HLCS: variants seen among roughly 807,000 people sequenced by gnomAD.
The protein encoded by HLCS is biotin--protein ligase.
A neutral mutation model predicts 75.0 loss-of-function variants in HLCS; 53 were observed. That is an observed-to-expected ratio of 0.71 (90% CI 0.57 to 0.89). The LOEUF is 0.89. Among genes scored for constraint, HLCS ranks in the 40% least tolerant of loss-of-function variants. HLCS has a pLI of 0.00. For missense variants in HLCS, 966 were observed against 1,074.0 expected (o/e 0.90, Z 1.41); for synonymous variants, 431 against 428.6 (o/e 1.01, Z -0.07).
At chr21:36,888,821 T>C (rs1301879071) in intron 6 of HLCS, among the ~76,000 whole-genome samples, 1 of 151,736 alleles carries the variant, frequency 6.6e-6, no homozygotes, top group Non-Finnish European at 1.5e-5. Flanking sequence ...AATGACAAAG[T>C]CTTGGTTCCA....
At chr21:36,799,383 C>T (rs1313621622) in intron 6 of HLCS, among the ~76,000 whole-genome samples, 2 of 152,204 alleles carry the variant, frequency 1.3e-5, no homozygotes, top group Non-Finnish European at 2.9e-5. Flanking sequence ...ATATCTCTAT[C>T]CTTACACCAA....
chr21:36,904,597 T>G (rs2065373127), intron 5 of HLCS, among the ~76,000 whole-genome samples: 1 of 152,206 alleles, frequency 6.6e-6, no homozygotes, highest in Non-Finnish European at 1.5e-5. Context: ...TCAAATACAT[T>G]TTAAGTACCA....
chr21:36,927,413 C>T (rs1401797105), intron 5 of HLCS, among the ~76,000 whole-genome samples: 1 of 152,214 alleles, frequency 6.6e-6, no homozygotes, highest in Admixed American at 6.5e-5. Flanking sequence ...TTGGGTCTTG[C>T]TACTATTCTT....
chr21:36,793,261 A>C (rs1482811817), intron 6 of HLCS, among the ~76,000 whole-genome samples: 1 of 147,260 alleles, frequency 6.8e-6, no homozygotes, highest in Non-Finnish European at 1.5e-5. Context: ...TGCCTGTCGG[A>C]GGGCTCGGAG....
intron 6 of HLCS, among the ~76,000 whole-genome samples, chr21:36,874,121 G>A (rs937722000): frequency 6.6e-6 from 1 of 152,152 alleles, no homozygotes; most frequent in African/African-American, 2.4e-5. Flanking sequence ...CCTATATGGA[G>A]CACATATCTA....
At chr21:36,779,488 T>C (rs2060464142) in intron 6 of HLCS, among the ~76,000 whole-genome samples, 1 of 152,202 alleles carries the variant, frequency 6.6e-6, no homozygotes, top group Non-Finnish European at 1.5e-5. Flanking sequence ...TATTCATAAA[T>C]TCTTTCTCCA....
Position 36,828,049 on chromosome 21 carries a change from G to A in HLCS, c.1893-60764C>T, listed in dbSNP as rs140833977. Among the ~76,000 whole-genome samples the A allele has an allele frequency of 1.1e-3, 161 of 152,170 alleles. 1 individual carries two copies. The East Asian group carries it at 0.029, about 28-fold the overall frequency. On this transcript the variant is annotated intron_variant, in intron 6 of 10. Transcript: ENST00000674895. ...AGGATGGTCTTGATCTCCTGACCTC[G>A]TGATCTGCCTGCCTTGGCCCCCCAA...
intron 6 of HLCS, among the ~76,000 whole-genome samples, chr21:36,775,218 C>A (rs1315571131): frequency 6.6e-6 from 1 of 152,226 alleles, no homozygotes; most frequent in Non-Finnish European, 1.5e-5. Flanking sequence ...TCCCCACGTC[C>A]AGCATAAGAG....
At chr21:36,783,803 G>GCACA (rs201430136) in intron 6 of HLCS, among the ~76,000 whole-genome samples, 7 of 149,412 alleles carry the variant, frequency 4.7e-5, no homozygotes, top group African/African-American at 1.2e-4. Flanking sequence ...GTGTGCACAT[G>GCACA]CACACACACA....
At chr21:36,808,662 T>C (rs902789725) in intron 6 of HLCS, among the ~76,000 whole-genome samples, 5 of 152,232 alleles carry the variant, frequency 3.3e-5, no homozygotes, top group Non-Finnish European at 7.3e-5. Context: ...AATTCTTATA[T>C]GATTAACAAT....
At chr21:36,958,960 C>G (rs2068123083) in intron 2 of HLCS, among the ~76,000 whole-genome samples, 1 of 152,214 alleles carries the variant, frequency 6.6e-6, no homozygotes, top group Non-Finnish European at 1.5e-5. Flanking sequence ...TGCAGCCAGT[C>G]TGGAGCAGGG....
At chr21:36,787,092 T>G (rs950039667) in intron 6 of HLCS, among the ~76,000 whole-genome samples, 2 of 152,182 alleles carry the variant, frequency 1.3e-5, no homozygotes, top group African/African-American at 4.8e-5. Flanking sequence ...ATTGGAACTT[T>G]CCAGGGCGAA....
chr21:36,788,906 T>C (rs1184284528), intron 6 of HLCS, among the ~76,000 whole-genome samples: 3 of 152,188 alleles, frequency 2.0e-5, no homozygotes, highest in Non-Finnish European at 4.4e-5. Flanking sequence ...ATACATTCTT[T>C]GATTAGGAAA....
chr21:36,753,887 G>A lies in HLCS; in HGVS notation c.*359C>T, dbSNP rs1405712772. The A allele has an allele frequency of 5.6e-6, 2 of 358,206 alleles. No individual in the cohort carries two copies. The highest frequency in any genetic ancestry group is 1.1e-5 in the Non-Finnish European group (2 of 188,946). The allele number at this position is 358,206 out of a possible 1,614,324, so 22.2% of individuals were successfully genotyped here. On this transcript the variant is annotated 3_prime_UTR_variant, in exon 11 of 11. Transcript: ENST00000674895. This position sits in a 1 kb window ranked among gnomAD's most constrained non-coding sequence, Gnocchi z 4.3. The stretch of plus-strand genomic sequence containing the variant: ...GCATATTTTGGTTTGTTTTTTCATA[G>A]ACTAGGGGTAAAGGTCTGCACTACT...
intron 6 of HLCS, among the ~76,000 whole-genome samples, chr21:36,868,810 C>A (rs1353524249): frequency 6.6e-6 from 1 of 152,160 alleles, no homozygotes; most frequent in Non-Finnish European, 1.5e-5. Context: ...GGGCAGTTGT[C>A]CCCATCTCAG....
intron 6 of HLCS, among the ~76,000 whole-genome samples, chr21:36,851,108 A>G (rs2062988775): frequency 2.0e-5 from 3 of 152,300 alleles, no homozygotes; most frequent in Admixed American, 6.5e-5. Flanking sequence ...TATGAGAGAG[A>G]AAGATATTAG....
chr21:36,872,367 G>A (rs1231580796), intron 6 of HLCS, among the ~76,000 whole-genome samples: 1 of 151,172 alleles, frequency 6.6e-6, no homozygotes, highest in Non-Finnish European at 1.5e-5. Context: ...CTCCAGCCTG[G>A]GTGACAGAGC....
rs1416754540 is a variant in HLCS at position 36,749,110 on chromosome 21, T to C, written c.*5136A>G. ...ACAGCGAGAAAACTTCGTAAGAACATGTTACGTGTGCAACAGGTAAACAGA... is the reference window on the plus strand; with the variant it reads ...ACAGCGAGAAAACTTCGTAAGAACACGTTACGTGTGCAACAGGTAAACAGA... On this transcript the variant is annotated 3_prime_UTR_variant, in exon 11 of 11. Coordinates refer to ENST00000674895, the MANE Select transcript of HLCS (RefSeq NM_001352514.2). 2.0e-5 allele frequency: 3 copies of C among 152,802 alleles called. No individual in the cohort carries two copies. In the East Asian group the frequency reaches 5.8e-4, roughly 29 times the overall value. The allele number at this position is 152,802 out of a possible 1,614,324, so 9.5% of individuals were successfully genotyped here.
intron 8 of HLCS, among the ~76,000 whole-genome samples, chr21:36,760,117 T>C (rs1171824774): frequency 6.6e-6 from 1 of 152,176 alleles, no homozygotes; most frequent in African/African-American, 2.4e-5. Flanking sequence ...TTTCTGAAGA[T>C]GCTTACCTTG....
Sources: allele counts gnomAD v4.1 joint callset (sites outside exome capture counted in the v4.1 genomes callset), GRCh38; gene constraint gnomAD v4.1.1; non-coding constraint Gnocchi (gnomAD v3.1); transcripts MANE v1.5; gene names NCBI Gene and HGNC (gene_info 2026-07-23, HGNC 2026-07-21).